The following PTPRS variants were observed in gnomAD, a reference collection of about 807,000 sequenced individuals.
The protein encoded by PTPRS is receptor-type tyrosine-protein phosphatase S.
A neutral mutation model predicts 215.3 loss-of-function variants in PTPRS; 63 were observed. That is an observed-to-expected ratio of 0.29 (90% CI 0.24 to 0.36). The LOEUF (loss-of-function observed/expected upper bound fraction) is 0.36. Ranked by LOEUF, PTPRS falls within the 10% of genes least tolerant of loss-of-function variation. PTPRS has a pLI of 1.00. For missense variants in PTPRS, 2,258 were observed against 2,825.8 expected (o/e 0.80, Z 4.56); for synonymous variants, 1,404 against 1,191.4 (o/e 1.18, Z -3.68).
chr19:5,211,558 G>A, intron 33 of PTPRS, 32 bp downstream of exon 33: 1 of 1,589,116 alleles, frequency 6.3e-7, no homozygotes, highest in East Asian at 2.3e-5. Flanking sequence ...GCTCCTTCTG[G>A]GGCCCTGAGG....
chr19:5,226,161 G>A (rs554175352), intron 16 of PTPRS, among the ~76,000 whole-genome samples: 81 of 152,298 alleles, frequency 5.3e-4, no homozygotes, highest in African/African-American at 1.8e-3. Context: ...GTGAGCACTG[G>A]AGTCAGGGTC....
chr19:5,229,378 G>A, intron 15 of PTPRS, 36 bp from the exon 16 acceptor site: 2 of 1,372,400 alleles, frequency 1.5e-6, no homozygotes. Flanking sequence ...GAGAGAGGAG[G>A]AAGGTGAGCG....
At position 5,279,602 on chromosome 19, in the gene PTPRS, C is replaced by T. The variant is rs151168759; in HGVS notation, c.92-5258G>A. The stretch of plus-strand genomic sequence containing the variant: ...CCCAGGCTGGTCTGGAACTCCTGGG[C>T]TCAAGTGAACCTCCCATCTCGGTCT... On this transcript the variant is annotated intron_variant, in intron 2 of 37. Coordinates refer to ENST00000262963, the MANE Select transcript of PTPRS (RefSeq NM_002850.4). Among the ~76,000 whole-genome samples the T allele has an allele frequency of 5.2e-3, 788 of 152,284 alleles. 9 individuals carry two copies. The highest frequency in any genetic ancestry group is 0.018 in the African/African-American group (765 of 41,558).
intron 1 of PTPRS, among the ~76,000 whole-genome samples, chr19:5,305,592 G>T (rs150976547): frequency 6.6e-6 from 1 of 150,536 alleles, no homozygotes; most frequent in Non-Finnish European, 1.5e-5. Flanking sequence ...AGCTGGACAC[G>T]GTGGCTCATG....
At chr19:5,325,505 G>A (rs934765795) in intron 1 of PTPRS, among the ~76,000 whole-genome samples, 5 of 151,872 alleles carry the variant, frequency 3.3e-5, no homozygotes, top group Non-Finnish European at 5.9e-5. Context: ...GAAGAGAGAC[G>A]TCATCGGGGC....
intron 1 of PTPRS, among the ~76,000 whole-genome samples, chr19:5,322,558 C>T (rs1396944342): frequency 6.6e-6 from 1 of 152,120 alleles, no homozygotes; most frequent in Non-Finnish European, 1.5e-5. Context: ...GCCACCTGCT[C>T]CCCGCAAGCA....
At chr19:5,263,655 G>A (rs1246941124) in intron 5 of PTPRS, among the ~76,000 whole-genome samples, 2 of 152,244 alleles carry the variant, frequency 1.3e-5, no homozygotes, top group Non-Finnish European at 2.9e-5. Flanking sequence ...AAACACGCAT[G>A]TGCAGCCACA....
At chr19:5,275,311 C>T (rs2047266270) in intron 2 of PTPRS, among the ~76,000 whole-genome samples, 1 of 151,990 alleles carries the variant, frequency 6.6e-6, no homozygotes, top group Non-Finnish European at 1.5e-5. Flanking sequence ...ACCTCATGAT[C>T]TGCCTGCCTT....
rs780925307 is a variant in PTPRS, at chr19:5,212,025, G to T, written c.4995C>A (p.Ile1665=). The T allele has an allele frequency of 6.2e-7, 1 of 1,613,814 alleles. No individual in the cohort carries two copies. Among genetic ancestry groups the T allele is most frequent in the Non-Finnish European group, 8.5e-7 (1 of 1,180,022 alleles). The change falls in exon 32 of 38, where the codon ATC becomes ATA. Residue 1665 remains isoleucine, a synonymous_variant. Coordinates refer to ENST00000262963, the MANE Select transcript of PTPRS (RefSeq NM_002850.4). The stretch of plus-strand genomic sequence containing the variant: ...CAGGCTCCACCTGGGCCAGCTTCTG[G>T]ATGTAGGCATAGAGGCTGCGTGCGG... The part of the protein sequence containing the change: ...EVPARSLYAY[I]QKLAQVEPGE...
chr19:5,227,607 A>G (rs570028882), intron 16 of PTPRS, among the ~76,000 whole-genome samples: 1 of 149,826 alleles, frequency 6.7e-6, no homozygotes, highest in South Asian at 2.1e-4. Context: ...ACAGGGTTTC[A>G]CCATGTTGGT....
chr19:5,217,717 A>G (rs1407522887), intron 25 of PTPRS, among the ~76,000 whole-genome samples: 3 of 152,200 alleles, frequency 2.0e-5, no homozygotes, highest in African/African-American at 4.8e-5. Context: ...GGAAGGACAG[A>G]TGTAACTTGG....
rs1028115213 is a variant in PTPRS, at chr19:5,223,186, T to G, written c.2606A>C (p.Gln869Pro). ...AEDQVLGYRL[Q>P]FGREDSTPLA... is the part of the protein sequence containing the mutation. ...GGGCGTCGAGTCCTCACGGCCAAAC[T>G]GCAGGCGGTAGCCCAGCACCTGGTC... is the stretch of plus-strand genomic sequence containing the variant. Residue 869 changes from glutamine (Q) to proline (P), a missense_variant, in exon 18 of 38, where the codon CAG becomes CCG. By Grantham distance (76) the Gln-to-Pro change is moderately conservative. This residue lies in a region of PTPRS where 361 missense variants were observed against 332.6 expected (regional missense o/e 1.09). Transcript: ENST00000262963. 1.9e-6 allele frequency: 3 copies of G among 1,555,802 alleles called. No individual in the cohort carries two copies. The African/African-American group carries it at 4.1e-5, about 22-fold the overall frequency.
intron 1 of PTPRS, among the ~76,000 whole-genome samples, chr19:5,312,873 G>C (rs920449274): frequency 2.6e-5 from 4 of 152,144 alleles, no homozygotes; most frequent in Admixed American, 6.5e-5. Flanking sequence ...GGCAGCAGAG[G>C]GGGGACATGA....
chr19:5,298,526 G>C (rs1311376401), intron 1 of PTPRS, among the ~76,000 whole-genome samples: 4 of 152,246 alleles, frequency 2.6e-5, no homozygotes, highest in African/African-American at 9.6e-5. Context: ...CTTCCTCTCA[G>C]CTTCCCTGCC....
chr19:5,286,130 G>C lies in PTPRS; in HGVS notation c.11C>G (p.Thr4Ser). 1 of 1,614,082 alleles carries C rather than the reference G, an allele frequency of 6.2e-7. No individual in the cohort carries two copies. Among genetic ancestry groups the C allele is most frequent in the Non-Finnish European group, 8.5e-7 (1 of 1,179,994 alleles). Residue 4 changes from threonine (T) to serine (S), a missense_variant, in exon 2 of 38, where the codon ACC becomes AGC. Thr to Ser is a moderately conservative substitution (Grantham distance 58, BLOSUM62 1). This residue lies in a region of PTPRS where 508 missense variants were observed against 799.4 expected (regional missense o/e 0.64). Transcript: ENST00000262963. MAP[T>S]WGPGMVSVVG... ...CACAGACACCATGCCAGGGCCCCAG[G>C]TGGGCGCCATGCTTGGCAGCGACCT...
At chr19:5,309,394 C>G (rs78495849) in intron 1 of PTPRS, among the ~76,000 whole-genome samples, 1 of 152,278 alleles carries the variant, frequency 6.6e-6, no homozygotes, top group East Asian at 1.9e-4. Context: ...AAGTGCTTGA[C>G]GCATATTAAC....
In PTPRS at chr19:5,295,286, C is replaced by T. The variant is rs539469531; in HGVS notation, c.-94-9052G>A. On this transcript the variant is annotated intron_variant, in intron 1 of 37. Transcript: ENST00000262963. This position sits in a 1 kb window ranked among gnomAD's most constrained non-coding sequence, Gnocchi z 4.6. ...TGCAGCATACAGGCCTGGCTCTGGG[C>T]TGCCCAGGACTCGGGACGGCAGACA... 1.3e-5 allele frequency among the ~76,000 whole-genome samples: 2 copies of T among 152,336 alleles called. No individual in the cohort carries two copies. The highest frequency in any genetic ancestry group is 3.9e-4 in the East Asian group (2 of 5,178).
rs754772522 is a variant in PTPRS at position 5,220,325 on chromosome 19, G to A, written c.3484C>T (p.Arg1162Cys). Residue 1162 changes from arginine (R) to cysteine (C), a missense_variant, in exon 21 of 38, where the codon CGC becomes TGC. Transcript: ENST00000262963. ...QSYFIVMVPL[R>C]KSRGGQFLTP... ...AGGAATTGGCCTCCACGAGACTTGCGCAGTGGCACCATCACAATGAAATAG... is the reference window on the plus strand; with the variant it reads ...AGGAATTGGCCTCCACGAGACTTGCACAGTGGCACCATCACAATGAAATAG... The A allele has an allele frequency of 5.6e-6, 9 of 1,613,942 alleles. No homozygotes were observed. Among genetic ancestry groups the A allele is most frequent in the Admixed American group, 5.0e-5 (3 of 59,996 alleles).
chr19:5,254,409 A>G (rs1479801465), intron 9 of PTPRS, among the ~76,000 whole-genome samples: 1 of 136,068 alleles, frequency 7.3e-6, no homozygotes, highest in Non-Finnish European at 1.5e-5. Flanking sequence ...ATCTACACGG[A>G]TATTTTATTG....
Sources: gnomAD v4.1 joint callset for allele counts (sites outside exome capture counted in the v4.1 genomes callset) on GRCh38, gnomAD v4.1.1 for gene constraint, gnomAD v4.1.1 regional missense constraint, Gnocchi (gnomAD v3.1) non-coding constraint, MANE v1.5 for transcripts, NCBI Gene and HGNC (gene_info 2026-07-23, HGNC 2026-07-21) for gene names.